The following WDFY4 variants were observed in gnomAD, a reference collection of about 807,000 sequenced individuals.
The protein encoded by WDFY4 is WD repeat- and FYVE domain-containing protein 4.
Under a neutral mutation model 351.9 loss-of-function variants are expected in WDFY4, and 169 were observed. The observed-to-expected ratio is 0.48, with a 90% CI of 0.42 to 0.55. The LOEUF is 0.55. WDFY4 is among the 20% of genes least tolerant of loss of function. WDFY4 has a pLI of 0.00. For synonymous variants in WDFY4, 1,622 were observed against 1,574.6 expected (o/e 1.03, Z -0.71); for missense variants, 3,803 against 3,935.6 (o/e 0.97, Z 0.90).
chr10:48,852,222 G>A (rs1001257421), intron 39 of WDFY4, among the ~76,000 whole-genome samples: 4 of 152,134 alleles, frequency 2.6e-5, no homozygotes, highest in Admixed American at 1.3e-4. Context: ...GAGATACACC[G>A]GGTGGAAATA....
At chr10:48,965,491 G>A (rs1590007498) in intron 54 of WDFY4, among the ~76,000 whole-genome samples, 3 of 152,080 alleles carry the variant, frequency 2.0e-5, no homozygotes, top group South Asian at 2.1e-4. Flanking sequence ...TGCATTGATC[G>A]CCCACCCAGT....
At chr10:48,722,846 C>T (rs1242796001) in intron 4 of WDFY4, among the ~76,000 whole-genome samples, 1 of 152,250 alleles carries the variant, frequency 6.6e-6, no homozygotes, top group Admixed American at 6.5e-5. Context: ...TTCCTGTCCT[C>T]TTGGCCTCTG....
chr10:48,811,670 C>T lies in WDFY4; in HGVS notation c.5176C>T (p.Leu1726=). The T allele has an allele frequency of 6.4e-7, 1 of 1,551,834 alleles. No individual in the cohort carries two copies. Among genetic ancestry groups the T allele is most frequent in the Non-Finnish European group, 8.7e-7 (1 of 1,147,024 alleles). ...EVYLIVSTFF[L]QTPLTELMDG... Reference sequence around the variant, plus strand: ...CTACCTCATCGTCTCCACCTTCTTCCTGCAGACACCACTCACAGAGCTGAT... The same window carrying T: ...CTACCTCATCGTCTCCACCTTCTTCTTGCAGACACCACTCACAGAGCTGAT... The change falls in exon 30 of 62, where the codon CTG becomes TTG. Residue 1726 remains leucine, a synonymous_variant. Transcript: ENST00000325239.
chr10:48,954,157 T>C (rs1324858316), intron 51 of WDFY4, among the ~76,000 whole-genome samples: 1 of 152,252 alleles, frequency 6.6e-6, no homozygotes, highest in Non-Finnish European at 1.5e-5. Flanking sequence ...TTATATTGTT[T>C]CTGAACTCTT....
rs189270698 is a variant in WDFY4, at chr10:48,764,874, C to T, written c.2553+4434C>T. 9.8e-4 allele frequency among the ~76,000 whole-genome samples: 149 copies of T among 152,308 alleles called. 1 individual carries two copies. The highest frequency in any genetic ancestry group is 3.3e-3 in the South Asian group (16 of 4,820). ...AAAACAACATCCTGATGGCTATAAC[C>T]GAGGTTTGCCCACAAGGCCTTGGGA... On this transcript the variant is annotated intron_variant, in intron 13 of 61. Coordinates refer to ENST00000325239, the MANE Select transcript of WDFY4 (RefSeq NM_001394531.1).
intron 12 of WDFY4, among the ~76,000 whole-genome samples, chr10:48,751,502 A>G (rs566316009): frequency 2.0e-5 from 3 of 152,284 alleles, no homozygotes; most frequent in African/African-American, 7.2e-5. Context: ...CATTTTGAGA[A>G]CTATTTAGGA....
In WDFY4 at chr10:48,830,709, A is replaced by G. The variant is rs577857068; in HGVS notation, c.6350A>G (p.Asn2117Ser). Residue 2117 changes from asparagine (N) to serine (S), a missense_variant, in exon 38 of 62, where the codon AAC (asparagine) becomes AGC (serine). By Grantham distance (46) the Asn-to-Ser change is conservative (BLOSUM62 1). Coordinates refer to ENST00000325239, the MANE Select transcript of WDFY4 (RefSeq NM_001394531.1). ...GTGCTCTCTCTGCTAGTCCAACACAACATCCAGAAGACAGTGCAGACTCTC... is the reference window on the plus strand; with the variant it reads ...GTGCTCTCTCTGCTAGTCCAACACAGCATCCAGAAGACAGTGCAGACTCTC... ...DLPSLSDVQH[N>S]IQKTVQTLWQ... 4 of 1,551,296 alleles carry G rather than the reference A, an allele frequency of 2.6e-6. No individual in the cohort carries two copies. In the East Asian group the frequency reaches 7.3e-5, roughly 28 times the overall value.
chr10:48,850,392 G>A (rs1051055378), intron 39 of WDFY4, among the ~76,000 whole-genome samples: 5 of 151,946 alleles, frequency 3.3e-5, no homozygotes, highest in African/African-American at 1.2e-4. Flanking sequence ...TGTAATTTGG[G>A]CTATCATCCA....
chr10:48,953,394 T>C (rs1355789401), intron 51 of WDFY4, among the ~76,000 whole-genome samples: 1 of 149,210 alleles, frequency 6.7e-6, no homozygotes, highest in Non-Finnish European at 1.5e-5. Flanking sequence ...TCATCCAGGG[T>C]TCATAGACAA....
At chr10:48,783,050 T>C (rs946762334) in intron 19 of WDFY4, among the ~76,000 whole-genome samples, 1 of 152,198 alleles carries the variant, frequency 6.6e-6, no homozygotes, top group Admixed American at 6.5e-5. Flanking sequence ...GGTTTGTTTT[T>C]ATTTGAAAAT....
intron 23 of WDFY4, among the ~76,000 whole-genome samples, chr10:48,793,111 T>C (rs1273685282): frequency 6.6e-6 from 1 of 152,232 alleles, no homozygotes; most frequent in East Asian, 1.9e-4. Flanking sequence ...GTAATCTCTT[T>C]ACTCAACTTA....
chr10:48,938,302 T>C (rs1315806336), intron 47 of WDFY4, among the ~76,000 whole-genome samples: 3 of 152,224 alleles, frequency 2.0e-5, no homozygotes, highest in African/African-American at 7.2e-5. Flanking sequence ...TTGTCTGCCA[T>C]ATTAGGGCTA....
intron 23 of WDFY4, among the ~76,000 whole-genome samples, chr10:48,791,833 C>G (rs1011703215): frequency 2.0e-5 from 3 of 152,172 alleles, no homozygotes; most frequent in African/African-American, 7.2e-5. Context: ...CAGAAGAGAG[C>G]TGTGTGATGG....
chr10:48,964,106 G>A (rs1353341227), intron 54 of WDFY4, 52 bp downstream of exon 54: 1 of 1,528,786 alleles, frequency 6.5e-7, no homozygotes, highest in African/African-American at 1.4e-5. Context: ...TGTGTGCAGT[G>A]TGAGGACATT....
At chr10:48,756,713 A>T (rs1315879944) in intron 12 of WDFY4, among the ~76,000 whole-genome samples, 1 of 152,114 alleles carries the variant, frequency 6.6e-6, no homozygotes, top group Non-Finnish European at 1.5e-5. Flanking sequence ...ATTAAATGAT[A>T]TTATCATGTG....
intron 47 of WDFY4, chr10:48,910,160 C>T: frequency 5.2e-6 from 7 of 1,356,794 alleles, no homozygotes; most frequent in Non-Finnish European, 6.3e-6. Context: ...TCTGTCTTCT[C>T]CTAACTGGGG....
intron 31 of WDFY4, among the ~76,000 whole-genome samples, chr10:48,814,432 G>A (rs1015862281): frequency 6.6e-6 from 1 of 152,224 alleles, no homozygotes; most frequent in African/African-American, 2.4e-5. Flanking sequence ...TGAGTGACCT[G>A]GGGAAGGGAC....
chr10:48,751,994 C>A (rs908069058), intron 12 of WDFY4, among the ~76,000 whole-genome samples: 1 of 152,190 alleles, frequency 6.6e-6, no homozygotes, highest in Admixed American at 6.5e-5. Flanking sequence ...CCCAAAGATA[C>A]AGGCACTTTG....
At chr10:48,826,454 C>CT (rs1315210276) in intron 35 of WDFY4, among the ~76,000 whole-genome samples, 2 of 152,090 alleles carry the variant, frequency 1.3e-5, no homozygotes, top group Non-Finnish European at 2.9e-5. Flanking sequence ...TATATGAGCT[C>CT]TTTTTTGGCT....
Sources: gnomAD v4.1 joint callset for allele counts (sites outside exome capture counted in the v4.1 genomes callset) on GRCh38, gnomAD v4.1.1 for gene constraint, MANE v1.5 for transcripts, NCBI Gene and HGNC (gene_info 2026-07-23, HGNC 2026-07-21) for gene names.